The following DGKI variants were observed in gnomAD, a reference collection of about 807,000 sequenced individuals.
DGKI encodes diacylglycerol kinase iota.
Under a neutral mutation model 147.5 loss-of-function variants are expected in DGKI, and 55 were observed. The observed-to-expected ratio is 0.37, with a 90% CI of 0.30 to 0.47. The LOEUF (loss-of-function observed/expected upper bound fraction) is 0.47. Among genes scored for constraint, DGKI ranks in the 20% least tolerant of loss-of-function variants. The probability of loss-of-function intolerance (pLI) is 1.00; values close to 1 mark genes in which losing one functional copy is unlikely to be tolerated. For synonymous variants in DGKI, 469 were observed against 477.1 expected (o/e 0.98, Z 0.22); for missense variants, 1,007 against 1,323.8 (o/e 0.76, Z 3.71).
At position 137,797,460 on chromosome 7, in the gene DGKI, A is replaced by T. The variant is rs560681663; in HGVS notation, c.401+49002T>A. Reference sequence around the variant, plus strand: ...TATCAGATTTAAATGGAAACAGCATAAACCAATAATTATAAGATAATGTTG... The same window carrying T: ...TATCAGATTTAAATGGAAACAGCATTAACCAATAATTATAAGATAATGTTG... On this transcript the variant is annotated intron_variant, in intron 1 of 32. Transcript: ENST00000614521. Among the ~76,000 whole-genome samples, 6 of 152,344 alleles carry T rather than the reference A, an allele frequency of 3.9e-5. No individual in the cohort carries two copies. The South Asian group carries it at 1.2e-3, about 32-fold the overall frequency.
At chr7:137,569,346 C>T (rs1028957151) in intron 19 of DGKI, among the ~76,000 whole-genome samples, 2 of 151,918 alleles carry the variant, frequency 1.3e-5, no homozygotes, top group Non-Finnish European at 2.9e-5. Flanking sequence ...AATGTTCACT[C>T]GATCAGTGAA....
chr7:137,610,272 T>C (rs1820321755), intron 8 of DGKI, among the ~76,000 whole-genome samples: 1 of 152,118 alleles, frequency 6.6e-6, no homozygotes, highest in Non-Finnish European at 1.5e-5. Flanking sequence ...GTTTAAAAAG[T>C]TTTCCCTCCC....
At chr7:137,623,804 T>C (rs1820837039) in intron 6 of DGKI, among the ~76,000 whole-genome samples, 1 of 152,162 alleles carries the variant, frequency 6.6e-6, no homozygotes, top group South Asian at 2.1e-4. Flanking sequence ...GACCACCTAC[T>C]ACTCAAAGTC....
At position 137,797,040 on chromosome 7, in the gene DGKI, G is replaced by A. The variant is rs192287908; in HGVS notation, c.401+49422C>T. Among the ~76,000 whole-genome samples, 11 of 152,264 alleles carry A rather than the reference G, an allele frequency of 7.2e-5. No individual in the cohort carries two copies. In the South Asian group the frequency reaches 1.0e-3, roughly 14 times the overall value. On this transcript the variant is annotated intron_variant, in intron 1 of 32. Coordinates refer to ENST00000614521, the MANE Select transcript of DGKI (RefSeq NM_001321708.2). ...AGTTAAACTGTCAAAAACCGAATCA[G>A]ACAGAATCTTGAGATCAGCAAGAGA...
At chr7:137,587,249 A>G in intron 12 of DGKI, 39 bp from the exon 13 acceptor site, 2 of 1,495,000 alleles carry the variant, frequency 1.3e-6, no homozygotes, top group Non-Finnish European at 9.1e-7. Flanking sequence ...TATAAGAAAG[A>G]TAAATAAGTT....
At chr7:137,685,230 T>C (rs139727240) in intron 2 of DGKI, among the ~76,000 whole-genome samples, 79 of 152,310 alleles carry the variant, frequency 5.2e-4, no homozygotes, top group African/African-American at 1.7e-3. Context: ...TTTCCACAGC[T>C]CTTGGGACCG....
intron 23 of DGKI, among the ~76,000 whole-genome samples, chr7:137,483,611 A>C (rs1350817035): frequency 6.6e-6 from 1 of 151,934 alleles, no homozygotes; most frequent in Non-Finnish European, 1.5e-5. Context: ...CCACCCTTAC[A>C]ACAGGCCCTA....
chr7:137,570,762 G>A (rs1818766321), intron 19 of DGKI, among the ~76,000 whole-genome samples: 1 of 151,950 alleles, frequency 6.6e-6, no homozygotes, highest in African/African-American at 2.4e-5. Flanking sequence ...GCTAATTTTT[G>A]TAGTTTTAGT....
intron 21 of DGKI, among the ~76,000 whole-genome samples, chr7:137,505,944 A>C (rs566898315): frequency 6.6e-6 from 1 of 152,294 alleles, no homozygotes; most frequent in South Asian, 2.1e-4. Flanking sequence ...AAAATTAAAA[A>C]AAACCACCAC....
intron 1 of DGKI, among the ~76,000 whole-genome samples, chr7:137,691,032 A>G (rs1823585819): frequency 6.6e-6 from 1 of 152,168 alleles, no homozygotes; most frequent in African/African-American, 2.4e-5. Context: ...TTCCCCTATA[A>G]TAATATCTAA....
chr7:137,432,344 AT>A (rs1189953527), intron 28 of DGKI, among the ~76,000 whole-genome samples: 6 of 152,204 alleles, frequency 3.9e-5, no homozygotes, highest in Non-Finnish European at 8.8e-5. Flanking sequence ...CTAGAGAACA[AT>A]AGGCTTTAAT....
intron 1 of DGKI, among the ~76,000 whole-genome samples, chr7:137,718,748 C>A (rs544511872): frequency 1.3e-5 from 2 of 152,256 alleles, no homozygotes; most frequent in Non-Finnish European, 2.9e-5. Flanking sequence ...CAGTCCTGGG[C>A]AACAAAGGAG....
At chr7:137,541,422 A>T (rs764773287) in intron 20 of DGKI, among the ~76,000 whole-genome samples, 1 of 152,220 alleles carries the variant, frequency 6.6e-6, no homozygotes, top group Non-Finnish European at 1.5e-5. Flanking sequence ...AATGCATTTA[A>T]CAACTATTTA....
chr7:137,685,569 A>C (rs1163514498), intron 2 of DGKI, among the ~76,000 whole-genome samples: 2 of 152,216 alleles, frequency 1.3e-5, no homozygotes, highest in Non-Finnish European at 2.9e-5. Context: ...ATTCACTCTA[A>C]ACTGGGAACT....
chr7:137,832,722 CA>C (rs1350609743), intron 1 of DGKI, among the ~76,000 whole-genome samples: 33 of 152,228 alleles, frequency 2.2e-4, no homozygotes, highest in African/African-American at 8.0e-4. Flanking sequence ...CAAATTTCTG[CA>C]GCCAGCTTGA....
chr7:137,534,319 T>A (rs908471629), intron 20 of DGKI, among the ~76,000 whole-genome samples: 4 of 152,172 alleles, frequency 2.6e-5, no homozygotes, highest in African/African-American at 9.6e-5. Context: ...TAATGGTCGG[T>A]CCAAAAATAT....
intron 1 of DGKI, chr7:137,722,456 A>T: frequency 6.2e-7 from 1 of 1,611,266 alleles, no homozygotes; most frequent in Non-Finnish European, 8.5e-7. Flanking sequence ...ACTGGACGCC[A>T]CAGGGGCAAG....
intron 27 of DGKI, among the ~76,000 whole-genome samples, chr7:137,452,181 A>C (rs1444036479): frequency 6.6e-6 from 1 of 152,212 alleles, no homozygotes; most frequent in Non-Finnish European, 1.5e-5. Flanking sequence ...TGGGGCCACC[A>C]CATAGAGATG....
At chr7:137,546,653 T>C (rs1453881948) in intron 20 of DGKI, among the ~76,000 whole-genome samples, 1 of 152,238 alleles carries the variant, frequency 6.6e-6, no homozygotes, top group African/African-American at 2.4e-5. Context: ...CTACAGCAGC[T>C]GCTAGAAAAG....
Sources: gnomAD v4.1 joint callset for allele counts (sites outside exome capture counted in the v4.1 genomes callset) on GRCh38, gnomAD v4.1.1 for gene constraint, MANE v1.5 for transcripts, NCBI Gene and HGNC (gene_info 2026-07-23, HGNC 2026-07-21) for gene names.